The following MYH14 variants were observed in gnomAD, a reference collection of about 807,000 sequenced individuals.
MYH14 encodes the protein myosin-14.
In MYH14, 123 loss-of-function variants were observed where a neutral mutation model predicts 255.5. The ratio of observed to expected loss-of-function variants is 0.48; its 90% confidence interval spans 0.42 to 0.56. The LOEUF is 0.56. Ranked by LOEUF, MYH14 falls within the 20% of genes least tolerant of loss-of-function variation. The probability of loss-of-function intolerance (pLI) is 0.00; values close to 1 mark genes in which losing one functional copy is unlikely to be tolerated. For missense variants in MYH14, 2,423 were observed against 2,802.3 expected (o/e 0.86, Z 3.06); for synonymous variants, 1,095 against 1,161.2 (o/e 0.94, Z 1.16).
chr19:50,280,200 C>G lies in MYH14; in HGVS notation c.4138-31C>G, dbSNP rs765324565. On this transcript the variant is annotated intron_variant, in intron 31 of 42. Transcript: ENST00000642316. This position sits in a 1 kb window ranked among gnomAD's most constrained non-coding sequence, Gnocchi z 4.8. ...CCTCCCCTCCTTGTCCTCCCAGCCA[C>G]ACCTGACATTGCCGTCTCCTCCATC... The G allele has an allele frequency of 2.6e-6, 4 of 1,555,886 alleles. No individual in the cohort carries two copies. The South Asian group carries it at 4.7e-5, about 18-fold the overall frequency.
intron 17 of MYH14, 31 bp from the exon 18 acceptor site, chr19:50,257,268 T>C: frequency 6.5e-7 from 1 of 1,539,558 alleles, no homozygotes; most frequent in Non-Finnish European, 8.8e-7. Context: ...CCTGACCTCC[T>C]TCTCTCTCTC....
In MYH14 at chr19:50,271,414, A is replaced by G; in HGVS notation, c.3039A>G (p.Leu1013=). 6.2e-7 allele frequency: 1 copy of G among 1,602,496 alleles called. No homozygotes were observed. Residue 1013 remains leucine, a synonymous_variant, in exon 25 of 43, where the codon CTA becomes CTG. Transcript: ENST00000642316. ...KKRLQQHIQE[L]EAHLEAEEGA... The stretch of plus-strand genomic sequence containing the variant: ...CTCCTGCCTTCCCACCCCAGGAGCT[A>G]GAGGCCCACCTTGAGGCTGAGGAGG...
Position 50,230,125 on chromosome 19 carries a change from C to T in MYH14, c.875-400C>T, listed in dbSNP as rs1457896328. 6.6e-6 allele frequency among the ~76,000 whole-genome samples: 1 copy of T among 152,182 alleles called. No homozygotes were observed. The highest frequency in any genetic ancestry group is 1.9e-4 in the East Asian group (1 of 5,196). On this transcript the variant is annotated intron_variant, in intron 8 of 42. Transcript: ENST00000642316. The surrounding 1 kb of genome is among the most constrained non-coding windows in gnomAD (Gnocchi z 4.7). ...ATGGGATTTTGCCATGTTGGCCAGG[C>T]TGGTCTTGAACTCCTGACCTCAGGT...
At chr19:50,205,731 G>T (rs1010291877) in intron 1 of MYH14, among the ~76,000 whole-genome samples, 1 of 152,208 alleles carries the variant, frequency 6.6e-6, no homozygotes, top group Admixed American at 6.5e-5. Flanking sequence ...GGGAGGAAAG[G>T]ACTGGGGCCA....
chr19:50,275,327 G>T (rs1315356963), intron 27 of MYH14, among the ~76,000 whole-genome samples: 3 of 152,184 alleles, frequency 2.0e-5, no homozygotes. Context: ...GAGCTGTAAG[G>T]AGGGACTCCG....
chr19:50,246,133 CTCCT>C (rs1410122115), intron 11 of MYH14, among the ~76,000 whole-genome samples: 3 of 55,638 alleles, frequency 5.4e-5, no homozygotes, highest in African/African-American at 1.7e-4. Context: ...CCTTCCTTCC[CTCCT>C]TCCTTCCTTC....
In MYH14 at chr19:50,293,364, A is replaced by T; in HGVS notation, c.5345+43A>T. ...CTGAAGGCTGAGGTACTGCGTCTGC[A>T]GGAGGTGAAGCTGGGGTAGGCTGGA... On this transcript the variant is annotated intron_variant, in intron 38 of 42. Transcript: ENST00000642316. The surrounding 1 kb of genome is among the most constrained non-coding windows in gnomAD (Gnocchi z 4.1). 6.4e-7 allele frequency: 1 copy of T among 1,550,762 alleles called. No homozygotes were observed. The highest frequency in any genetic ancestry group is 8.8e-7 in the Non-Finnish European group (1 of 1,139,046).
intron 40 of MYH14, among the ~76,000 whole-genome samples, chr19:50,302,691 G>A (rs74790091): frequency 0.2 from 29,571 of 151,332 alleles, 3,555 homozygotes; most frequent in East Asian, 0.41. Flanking sequence ...ACCTGAGGTC[G>A]GGAGTTCGAG....
At position 50,252,884 on chromosome 19, in the gene MYH14, G is replaced by C; in HGVS notation, c.1945+131G>C. ...TTTCTGCTCAGACCCAGAATAGCCA[G>C]TGTCACAAATAGTATTTCAAATCAG... On this transcript the variant is annotated intron_variant, in intron 16 of 42. Transcript: ENST00000642316. This position sits in a 1 kb window ranked among gnomAD's most constrained non-coding sequence, Gnocchi z 4.2. The C allele has an allele frequency of 3.3e-6, 2 of 612,440 alleles. No homozygotes were observed. Among genetic ancestry groups the C allele is most frequent in the Admixed American group, 2.8e-5 (1 of 35,162 alleles). 37.9% of individuals were successfully genotyped at this position (612,440 alleles called of 1,614,324 possible).
At position 50,289,597 on chromosome 19, in the gene MYH14, G is replaced by T. The variant is rs1434074076; in HGVS notation, c.4914G>T (p.Leu1638=). 1 of 1,612,686 alleles carries T rather than the reference G, an allele frequency of 6.2e-7. No homozygotes were observed. The highest frequency in any genetic ancestry group is 1.1e-5 in the South Asian group (1 of 90,790). The change falls in exon 35 of 43, where the codon CTG becomes CTT. Residue 1638 remains leucine, a synonymous_variant. Transcript: ENST00000642316. ...TCAAGACTCAGCATGAGCGTGACCT[G>T]CAGGGCCGTGATGAGGCTGGTGAAG... is the stretch of plus-strand genomic sequence containing the variant. ...QALKTQHERD[L]QGRDEAGEER...
chr19:50,238,373 A>C (rs1247632415), intron 10 of MYH14, among the ~76,000 whole-genome samples: 1 of 152,200 alleles, frequency 6.6e-6, no homozygotes, highest in Non-Finnish European at 1.5e-5. Flanking sequence ...GATGTTAAGG[A>C]ATGATCATTA....
intron 41 of MYH14, 165 bp from the exon 42 acceptor site, chr19:50,308,840 T>G: frequency 1.4e-6 from 1 of 700,110 alleles, no homozygotes; most frequent in Non-Finnish European, 2.4e-6. Flanking sequence ...GGGTAGAGGC[T>G]GGCATGAGGG....
intron 41 of MYH14, among the ~76,000 whole-genome samples, chr19:50,307,526 A>G (rs1315987867): frequency 6.6e-6 from 1 of 152,126 alleles, no homozygotes; most frequent in Non-Finnish European, 1.5e-5. Flanking sequence ...GGAAGGTGCT[A>G]TTATTTACCC....
At chr19:50,225,403 C>G (rs1260524090) in intron 6 of MYH14, among the ~76,000 whole-genome samples, 182 bp from the exon 7 acceptor site, 1 of 152,160 alleles carries the variant, frequency 6.6e-6, no homozygotes, top group Non-Finnish European at 1.5e-5. Context: ...AGATGCTTCC[C>G]TCTTCCCCTC....
chr19:50,231,476 G>A (rs1321578103), intron 9 of MYH14, among the ~76,000 whole-genome samples: 2 of 152,206 alleles, frequency 1.3e-5, no homozygotes, highest in Non-Finnish European at 2.9e-5. Flanking sequence ...GGGAGGGTGA[G>A]GCAGGAGGAT....
In MYH14 at chr19:50,218,203, C is replaced by T. The variant is rs183232714; in HGVS notation, c.562+432C>T. The stretch of plus-strand genomic sequence containing the variant: ...CCATGTTGGCCAGGCTGGTCTCAAA[C>T]TCCTGACCTCAAGTGATCTGCCCAC... On this transcript the variant is annotated intron_variant, in intron 3 of 42. Coordinates refer to ENST00000642316, the MANE Select transcript of MYH14 (RefSeq NM_001145809.2). 4.0e-3 allele frequency among the ~76,000 whole-genome samples: 602 copies of T among 152,164 alleles called. 3 individuals are homozygous for T. The highest frequency in any genetic ancestry group is 0.024 in the Middle Eastern group (7 of 294).
chr19:50,287,872 C>T (rs1197707531), intron 34 of MYH14, among the ~76,000 whole-genome samples: 2 of 152,072 alleles, frequency 1.3e-5, no homozygotes, highest in East Asian at 1.9e-4. Flanking sequence ...TGACTAGGTG[C>T]ATGCATACAT....
intron 27 of MYH14, among the ~76,000 whole-genome samples, chr19:50,273,723 C>T (rs1157893230): frequency 6.6e-6 from 1 of 151,744 alleles, no homozygotes; most frequent in Non-Finnish European, 1.5e-5. Flanking sequence ...CTCACTGCAA[C>T]CTCTGCCTCC....
In MYH14 at chr19:50,293,308, G is replaced by T; in HGVS notation, c.5332G>T (p.Gly1778Cys). 2 of 1,605,600 alleles carry T rather than the reference G, an allele frequency of 1.2e-6. No homozygotes were observed. The highest frequency in any genetic ancestry group is 1.7e-6 in the Non-Finnish European group (2 of 1,176,304). The stretch of plus-strand genomic sequence containing the variant: ...TGAGATGGCAGATGAGGTGGCCAAT[G>T]GTAACCTTAGCAAGTAAGTGCCCCA... ...RDEMADEVAN[G>C]NLSKAAILEE... The change falls in exon 38 of 43, where the codon GGT becomes TGT. Residue 1778 changes from glycine (G) to cysteine (C), a missense_variant. Physicochemically the swap from Gly to Cys is radical, Grantham distance 159. Around this residue, in one of 3 missense-constraint regions of MYH14, gnomAD observed 1,513 missense variants for 1,674.8 expected, o/e 0.90. Coordinates refer to ENST00000642316, the MANE Select transcript of MYH14 (RefSeq NM_001145809.2). The surrounding 1 kb of genome is among the most constrained non-coding windows in gnomAD (Gnocchi z 4.1).
Sources: gnomAD v4.1 joint callset for allele counts (sites outside exome capture counted in the v4.1 genomes callset) on GRCh38, gnomAD v4.1.1 for gene constraint, gnomAD v4.1.1 regional missense constraint, Gnocchi (gnomAD v3.1) non-coding constraint, MANE v1.5 for transcripts, NCBI Gene and HGNC (gene_info 2026-07-23, HGNC 2026-07-21) for gene names.